Variants in NPHS1 observed in about 807,000 individuals in gnomAD.
NPHS1 encodes the protein nephrin.
Under a neutral mutation model 139.7 loss-of-function variants are expected in NPHS1, and 107 were observed. That is an observed-to-expected ratio of 0.77 (90% CI 0.66 to 0.90). The LOEUF (loss-of-function observed/expected upper bound fraction) is 0.90. Ranked by LOEUF, NPHS1 falls within the 40% of genes least tolerant of loss-of-function variation. The pLI, the probability that NPHS1 is intolerant of heterozygous loss-of-function variation, is 0.00. For synonymous variants in NPHS1, 707 were observed against 706.6 expected (o/e 1.00, Z -0.01); for missense variants, 1,580 against 1,654.2 (o/e 0.96, Z 0.78).
chr19:35,844,117 C>T lies in NPHS1; in HGVS notation c.2198G>A (p.Arg733Gln), dbSNP rs745809656. The part of the protein sequence containing the change: ...NSEGTAEARL[R>Q]LDVHYAPTIR... Reference sequence around the variant, plus strand: ...GCGGGGCTCACAGTGCACGTCCAGCCGCAGCCGCGCTTCCGCGGTGCCCTC... The same window carrying T: ...GCGGGGCTCACAGTGCACGTCCAGCTGCAGCCGCGCTTCCGCGGTGCCCTC... Residue 733 changes from arginine to glutamine, a missense_variant, in exon 16 of 29, where the codon CGG becomes CAG. Arg to Gln is a conservative substitution (Grantham distance 43). Transcript: ENST00000378910. The T allele has an allele frequency of 2.5e-6, 4 of 1,607,846 alleles. No individual in the cohort carries two copies. Among genetic ancestry groups the T allele is most frequent in the Non-Finnish European group, 3.4e-6 (4 of 1,179,860 alleles).
rs750051292 is a variant in NPHS1, at chr19:35,845,489, G to C, written c.1809C>G (p.Ala603=). 4 of 1,613,790 alleles carry C rather than the reference G, an allele frequency of 2.5e-6. No individual in the cohort carries two copies. In the South Asian group the frequency reaches 4.4e-5, roughly 18 times the overall value. The change falls in exon 14 of 29, where the codon GCC becomes GCG. Residue 603 remains alanine, a synonymous_variant. Transcript: ENST00000378910. This position sits in a 1 kb window ranked among gnomAD's most constrained non-coding sequence, Gnocchi z 5.5. ...CTTGCAGAAGGACGCTCCTGGCGGC[G>C]GCGGAGCCTTTGAATGGGGCTCTCC... is the stretch of plus-strand genomic sequence containing the variant. ...PPRRAPFKGS[A]AARSVLLQVS... is the part of the protein sequence containing the mutation.
At chr19:35,840,087 C>T (rs1453649412) in intron 20 of NPHS1, among the ~76,000 whole-genome samples, 1 of 151,620 alleles carries the variant, frequency 6.6e-6, no homozygotes, top group Non-Finnish European at 1.5e-5. Context: ...TCACTGCAAC[C>T]TCCACCTCCT....
Position 35,842,447 on chromosome 19 carries a change from G to A in NPHS1, c.2438C>T (p.Ala813Val), listed in dbSNP as rs541575466. 5.0e-6 allele frequency: 8 copies of A among 1,614,152 alleles called. No homozygotes were observed. In the South Asian group the frequency reaches 7.7e-5, roughly 16 times the overall value. The change falls in exon 18 of 29, where the codon GCT (alanine) becomes GTT (valine). Residue 813 changes from alanine to valine, a missense_variant. Physicochemically the swap from Ala to Val is moderately conservative, Grantham distance 64 (BLOSUM62 0). Transcript: ENST00000378910. ...IHHAKLAQAG[A>V]YQCIVDNGVA... The stretch of plus-strand genomic sequence containing the variant: ...CCCATTGTCCACAATGCACTGGTAA[G>A]CGCCAGCCTGGGCCAGTTTGGCATG...
At chr19:35,850,506 CAT>C in intron 4 of NPHS1, 61 bp from the exon 5 acceptor site, 1 of 1,458,630 alleles carries the variant, frequency 6.9e-7, no homozygotes, top group Non-Finnish European at 9.6e-7. Flanking sequence ...TTCTGGGGAG[CAT>C]GGCCTGGAAG....
In NPHS1 at chr19:35,842,115, T is replaced by G; in HGVS notation, c.2663+9A>C. 2 of 1,600,642 alleles carry G rather than the reference T, an allele frequency of 1.2e-6. No homozygotes were observed. Among genetic ancestry groups the G allele is most frequent in the Non-Finnish European group, 1.7e-6 (2 of 1,174,682 alleles). On this transcript the variant is annotated intron_variant, in intron 19 of 28. Transcript: ENST00000378910. ...GGCTGGAGTGCTGCCTGGCTGGGCT[T>G]GGGCTCACCTGGGATCTTGGAGATC...
intron 20 of NPHS1, 81 bp from the exon 21 acceptor site, chr19:35,839,688 A>G: frequency 9.1e-7 from 1 of 1,094,688 alleles, no homozygotes; most frequent in Non-Finnish European, 1.4e-6. Context: ...CCTAGGAATG[A>G]TTTTAAATAT....
intron 23 of NPHS1, among the ~76,000 whole-genome samples, chr19:35,834,021 TG>T (rs144201590): frequency 0.015 from 2,291 of 152,204 alleles, 51 homozygotes; most frequent in African/African-American, 0.05. Context: ...TTTTTCGTGT[TG>T]ACAAAACAGC....
rs1973133261 is a variant in NPHS1 at position 35,845,915 on chromosome 19, G to A, written c.1627+93C>T. The A allele has an allele frequency of 6.6e-7, 1 of 1,521,818 alleles. No individual in the cohort carries two copies. The highest frequency in any genetic ancestry group is 8.8e-7 in the Non-Finnish European group (1 of 1,130,738). The allele number at this position is 1,521,818 out of a possible 1,614,324, so 94.3% of individuals were successfully genotyped here. A position where few individuals can be genotyped will look rare whatever the true frequency, so the allele number is the denominator to read the frequency against. ...CGGGTCCCCCACCCCGCCTCCGCCC[G>A]CTTTCCCCGGGTCCAGGGTTCGCTG... On this transcript the variant is annotated intron_variant, in intron 12 of 28. Coordinates refer to ENST00000378910, the MANE Select transcript of NPHS1 (RefSeq NM_004646.4). The surrounding 1 kb of genome is among the most constrained non-coding windows in gnomAD (Gnocchi z 5.5).
chr19:35,844,587 T>C, intron 14 of NPHS1, 128 bp from the exon 15 acceptor site: 1 of 976,940 alleles, frequency 1.0e-6, no homozygotes, highest in Admixed American at 2.2e-5. Flanking sequence ...GTGGACAAGG[T>C]AACAAGTTCA....
Position 35,849,648 on chromosome 19 carries a change from G to A in NPHS1, c.614C>T (p.Thr205Ile), listed in dbSNP as rs973193913. Residue 205 changes from threonine to isoleucine, a missense_variant, in exon 6 of 29, where the codon ACA becomes ATA. Transcript: ENST00000378910. Reference sequence around the variant, plus strand: ...CTGCCTATTATCTGAGCTCCGGGGTGTCACCCTGGGATGAGAAGTCAGGGT... The same window carrying A: ...CTGCCTATTATCTGAGCTCCGGGGTATCACCCTGGGATGAGAAGTCAGGGT... ...LFTVEATARV[T>I]PRSSDNRQLL... 1.9e-6 allele frequency: 3 copies of A among 1,612,996 alleles called. No individual in the cohort carries two copies. Among genetic ancestry groups the A allele is most frequent in the Non-Finnish European group, 1.7e-6 (2 of 1,179,124 alleles).
At chr19:35,834,733 T>C (rs1972931845) in intron 23 of NPHS1, among the ~76,000 whole-genome samples, 1 of 150,364 alleles carries the variant, frequency 6.7e-6, no homozygotes, top group South Asian at 2.1e-4. Context: ...CTACTAAAAA[T>C]ACAAAAAATT....
rs1167171322 is a variant in NPHS1, at chr19:35,844,474, C to T, written c.1931-15G>A. ...CTCTGGACGGTCTTCAGAGGGGGCG[C>T]CGCAGGGAGTCAAGATTGTTGTTAA... On this transcript the variant is annotated splice_polypyrimidine_tract_variant and intron_variant, in intron 14 of 28. Transcript: ENST00000378910. 6.4e-7 allele frequency: 1 copy of T among 1,556,224 alleles called. No homozygotes were observed. The highest frequency in any genetic ancestry group is 8.7e-7 in the Non-Finnish European group (1 of 1,153,298).
At chr19:35,843,436 G>T in intron 17 of NPHS1, 36 bp downstream of exon 17, 2 of 1,613,102 alleles carry the variant, frequency 1.2e-6, no homozygotes, top group South Asian at 2.2e-5. Flanking sequence ...ACAACCCCTT[G>T]ACCCCACCTC....
At chr19:35,846,308 T>C in intron 11 of NPHS1, 114 bp from the exon 12 acceptor site, 1 of 1,137,682 alleles carries the variant, frequency 8.8e-7, no homozygotes, top group Non-Finnish European at 1.3e-6. Context: ...AGCCTTTTTC[T>C]GATAAGGAGA....
At chr19:35,843,930 T>C (rs1280063268) in intron 16 of NPHS1, 173 bp downstream of exon 16, 3 of 889,616 alleles carry the variant, frequency 3.4e-6, no homozygotes, top group East Asian at 5.2e-5. Flanking sequence ...TGGGTCTCTC[T>C]AGTGGGAGGG....
chr19:35,844,159 A>G lies in NPHS1; in HGVS notation c.2156T>C (p.Leu719Pro), dbSNP rs771293784. 1.9e-6 allele frequency: 3 copies of G among 1,610,444 alleles called. No individual in the cohort carries two copies. Among genetic ancestry groups the G allele is most frequent in the Non-Finnish European group, 2.5e-6 (3 of 1,180,004 alleles). ...VTRADDGLYQ[L>P]HCQNSEGTAE... ...GGTGCCCTCAGAGTTCTGGCAGTGC[A>G]GCTGATAGAGGCCGTCGTCCGCGCG... Residue 719 changes from leucine (L) to proline (P), a missense_variant, in exon 16 of 29, where the codon CTG becomes CCG. Coordinates refer to ENST00000378910, the MANE Select transcript of NPHS1 (RefSeq NM_004646.4).
chr19:35,831,821 G>A, intron 23 of NPHS1, 59 bp from the exon 24 acceptor site: 1 of 1,533,842 alleles, frequency 6.5e-7, no homozygotes, highest in Non-Finnish European at 8.8e-7. Context: ...GCCAGGGGTG[G>A]GTCTCCCCGA....
chr19:35,848,458 C>T, intron 9 of NPHS1, 61 bp from the exon 10 acceptor site: 2 of 1,611,328 alleles, frequency 1.2e-6, no homozygotes, highest in Admixed American at 1.7e-5. Flanking sequence ...GTGCTAGAGG[C>T]CTGAGTCCAT....
intron 11 of NPHS1, among the ~76,000 whole-genome samples, chr19:35,847,377 G>A (rs532903540): frequency 2.1e-5 from 2 of 96,462 alleles, no homozygotes; most frequent in African/African-American, 9.3e-5. Context: ...TTTTTGAGAC[G>A]GAGTTTCGGT....
Sources: gnomAD v4.1 joint callset for allele counts (sites outside exome capture counted in the v4.1 genomes callset) on GRCh38, gnomAD v4.1.1 for gene constraint, Gnocchi (gnomAD v3.1) non-coding constraint, MANE v1.5 for transcripts, NCBI Gene and HGNC (gene_info 2026-07-23, HGNC 2026-07-21) for gene names.